Variants in PCDH15 observed in about 807,000 individuals in gnomAD.
The protein encoded by PCDH15 is protocadherin-15.
Under a neutral mutation model 178.5 loss-of-function variants are expected in PCDH15, and 129 were observed. That is an observed-to-expected ratio of 0.72 (90% CI 0.63 to 0.84). PCDH15 has a LOEUF of 0.84. PCDH15 is among the 40% of genes least tolerant of loss of function. The probability of loss-of-function intolerance (pLI) is 0.00; values close to 1 mark genes in which losing one functional copy is unlikely to be tolerated. For synonymous variants in PCDH15, 800 were observed against 732.0 expected, an observed-to-expected ratio of 1.09 and a Z score of -1.50; for missense variants, 2,230 against 2,099.9, an observed-to-expected ratio of 1.06 and a Z score of -1.21.
chr10:54,675,203 G>A (rs2094760640), intron 1 of PCDH15, among the ~76,000 whole-genome samples: 1 of 151,660 alleles, frequency 6.6e-6, no homozygotes, highest in Non-Finnish European at 1.5e-5. Flanking sequence ...GTATAATATT[G>A]TATCCTATTA....
chr10:53,920,898 G>T (rs1214186920), intron 25 of PCDH15, among the ~76,000 whole-genome samples: 1 of 152,068 alleles, frequency 6.6e-6, no homozygotes, highest in African/African-American at 2.4e-5. Context: ...AAGTGGCCTT[G>T]AAAAACACAG....
intron 2 of PCDH15, among the ~76,000 whole-genome samples, chr10:55,055,822 T>TA (rs1378487899): frequency 6.6e-6 from 1 of 151,092 alleles, no homozygotes; most frequent in Non-Finnish European, 1.5e-5. Flanking sequence ...AATCAATAAA[T>TA]AAAAAAGAAA....
At position 54,421,898 on chromosome 10, in the gene PCDH15, T is replaced by C. The variant is rs1422449561; in HGVS notation, c.158-42956A>G. 4.1e-3 allele frequency among the ~76,000 whole-genome samples: 321 copies of C among 77,940 alleles called. 13 individuals carry two copies. The highest frequency in any genetic ancestry group is 0.022 in the African/African-American group (300 of 13,690). 51.1% of individuals were successfully genotyped at this position (77,940 alleles called of 152,430 possible). ...TATATATATATACACACACACACTA[T>C]ATATATATATACACTATATATATAT... is the stretch of plus-strand genomic sequence containing the variant. On this transcript the variant is annotated intron_variant, in intron 3 of 37. Transcript: ENST00000644397.
intron 8 of PCDH15, among the ~76,000 whole-genome samples, chr10:54,280,335 TC>T (rs1306143607): frequency 6.6e-6 from 1 of 151,170 alleles, no homozygotes; most frequent in East Asian, 1.9e-4. Context: ...ACCTTTTTTA[TC>T]CTATGCCTCT....
At chr10:55,457,526 T>A (rs1423468280) in intron 2 of PCDH15, among the ~76,000 whole-genome samples, 1 of 152,044 alleles carries the variant, frequency 6.6e-6, no homozygotes, top group Non-Finnish European at 1.5e-5. Context: ...TAAAACCTAC[T>A]CAGTGTTCTT....
chr10:54,416,554 T>C (rs983017844), intron 3 of PCDH15, among the ~76,000 whole-genome samples: 1 of 152,170 alleles, frequency 6.6e-6, no homozygotes, highest in African/African-American at 2.4e-5. Context: ...GTTCCATGAC[T>C]TTGCTATTGT....
chr10:53,905,738 G>A (rs576110143), intron 25 of PCDH15, among the ~76,000 whole-genome samples: 11 of 152,238 alleles, frequency 7.2e-5, no homozygotes, highest in African/African-American at 2.4e-4. Flanking sequence ...TCCTATGAAA[G>A]CTCCTTTGAT....
At chr10:55,365,623 G>A (rs557940891) in intron 2 of PCDH15, among the ~76,000 whole-genome samples, 11 of 151,818 alleles carry the variant, frequency 7.2e-5, no homozygotes, top group East Asian at 1.9e-4. Flanking sequence ...TCTTTCCTGC[G>A]CTGTTCTCAT....
chr10:54,385,159 CATAG>C lies in PCDH15; in HGVS notation c.158-6221_158-6218del, dbSNP rs150676206. On this transcript the variant is annotated intron_variant, in intron 3 of 37. Coordinates refer to ENST00000644397, the MANE Select transcript of PCDH15 (RefSeq NM_001384140.1). ...ATAAGATATTTAAAACCTTTTATTC[CATAG>C]ATAAATTTGTACAATAGAAAATGTG... is the stretch of plus-strand genomic sequence containing the variant. Among the ~76,000 whole-genome samples, 577 of 152,072 alleles carry C rather than the reference CATAG, an allele frequency of 3.8e-3. 2 individuals carry two copies. The highest frequency in any genetic ancestry group is 9.7e-3 in the African/African-American group (402 of 41,520).
intron 13 of PCDH15, among the ~76,000 whole-genome samples, chr10:54,161,402 G>C (rs1339514452): frequency 6.6e-6 from 1 of 152,130 alleles, no homozygotes; most frequent in Non-Finnish European, 1.5e-5. Context: ...GAAAATGGGA[G>C]TGAGCATTGA....
rs1554832274 is a variant in PCDH15, at chr10:54,192,138, G to GAGAA, written c.1305+3541_1305+3544dup. Among the ~76,000 whole-genome samples the GAGAA allele has an allele frequency of 2.3e-3, 273 of 117,582 alleles. 2 individuals are homozygous for GAGAA. Among genetic ancestry groups the GAGAA allele is most frequent in the African/African-American group, 7.2e-3 (227 of 31,436 alleles). 77.1% of individuals were successfully genotyped at this position (117,582 alleles called of 152,430 possible). On this transcript the variant is annotated intron_variant, in intron 11 of 37. Transcript: ENST00000644397. ...AAAAAAAGAAAGAAAGAAAGAGAAAGAGAAAGAAAGAAAGAAAAAGAAAGA... is the reference window on the plus strand; with the variant it reads ...AAAAAAAGAAAGAAAGAAAGAGAAAGAGAAAGAAAGAAAGAAAGAAAAAGAAAGA...
At chr10:54,753,987 T>A (rs1946712976) in intron 1 of PCDH15, among the ~76,000 whole-genome samples, 1 of 100,128 alleles carries the variant, frequency 1.0e-5, no homozygotes, top group African/African-American at 3.6e-5. Flanking sequence ...TTTTTTTTTT[T>A]ATTATTATTA....
chr10:54,506,140 G>T (rs1248782435), intron 3 of PCDH15, among the ~76,000 whole-genome samples: 2 of 151,952 alleles, frequency 1.3e-5, no homozygotes, highest in Non-Finnish European at 2.9e-5. Flanking sequence ...TTATATATCT[G>T]ATATATCATA....
chr10:54,146,826 G>C (rs940390069), intron 14 of PCDH15, among the ~76,000 whole-genome samples: 1 of 148,962 alleles, frequency 6.7e-6, no homozygotes, highest in African/African-American at 2.5e-5. Context: ...TATTTAGTTA[G>C]CTTACATGCC....
At chr10:54,677,193 A>T (rs1307502319) in intron 1 of PCDH15, among the ~76,000 whole-genome samples, 1 of 152,068 alleles carries the variant, frequency 6.6e-6, no homozygotes, top group Admixed American at 6.5e-5. Context: ...GCAAAGTAGC[A>T]AGACCCAGTC....
At position 55,266,880 on chromosome 10, in the gene PCDH15, G is replaced by A. The variant is rs148422669; in HGVS notation, c.-156+52719C>T. Among the ~76,000 whole-genome samples the A allele has an allele frequency of 6.4e-3, 978 of 152,294 alleles. 12 individuals are homozygous for A. The highest frequency in any genetic ancestry group is 0.022 in the African/African-American group (934 of 41,564). ...CTAATTGAGATGACTAACACAAGCC[G>A]CCTATAGATGGCTAAACTGAAAGAG... On this transcript the variant is annotated intron_variant, in intron 1 of 5. Coordinates refer to the PCDH15 transcript ENST00000458638.
rs77290128 is a variant in PCDH15, at chr10:54,734,471, A to G, written c.-29+66454T>C. On this transcript the variant is annotated intron_variant, in intron 1 of 37. Transcript: ENST00000644397. ...ATTGCTGGTGAAAATGCAAGATAAGACAACAACTTTGGAAAATAGTCTGCC... is the reference window on the plus strand; with the variant it reads ...ATTGCTGGTGAAAATGCAAGATAAGGCAACAACTTTGGAAAATAGTCTGCC... Among the ~76,000 whole-genome samples the G allele has an allele frequency of 4.4e-3, 661 of 151,916 alleles. 12 individuals are homozygous for G. Among genetic ancestry groups the G allele is most frequent in the East Asian group, 0.03 (154 of 5,106 alleles).
At chr10:55,161,735 A>T (rs1191929643) in intron 2 of PCDH15, among the ~76,000 whole-genome samples, 1 of 152,280 alleles carries the variant, frequency 6.6e-6, no homozygotes, top group East Asian at 1.9e-4. Flanking sequence ...TTTCCACCAC[A>T]GAAAAATTTT....
At chr10:55,532,491 G>T (rs2132065011) in intron 2 of PCDH15, among the ~76,000 whole-genome samples, 1 of 152,078 alleles carries the variant, frequency 6.6e-6, no homozygotes, top group African/African-American at 2.4e-5. Flanking sequence ...ATTCAAAAGT[G>T]AATAAAACAA....
Sources: gnomAD v4.1 joint callset for allele counts (sites outside exome capture counted in the v4.1 genomes callset) on GRCh38, gnomAD v4.1.1 for gene constraint, MANE v1.5 for transcripts, NCBI Gene and HGNC (gene_info 2026-07-23, HGNC 2026-07-21) for gene names.